Variants in FLACC1 observed in about 807,000 individuals in gnomAD.
The protein encoded by FLACC1 is flagellum associated containing coiled-coil domains 1.
A neutral mutation model predicts 62.8 loss-of-function variants in FLACC1; 66 were observed. That is an observed-to-expected ratio of 1.05 (90% CI 0.86 to 1.29). The LOEUF (loss-of-function observed/expected upper bound fraction) is 1.29. Among genes scored for constraint, FLACC1 ranks in the 50% most tolerant of loss-of-function variants. The pLI is 0.00. For synonymous variants in FLACC1, 156 were observed against 161.0 expected, an observed-to-expected ratio of 0.97 and a Z score of 0.24; for missense variants, 452 against 489.1, an observed-to-expected ratio of 0.92 and a Z score of 0.71.
intron 1 of FLACC1, among the ~76,000 whole-genome samples, chr2:201,353,056 A>T (rs991198949): frequency 2.6e-5 from 4 of 152,228 alleles, no homozygotes. Context: ...GAATTGTAAG[A>T]TTGTTGCTTG....
intron 9 of FLACC1, among the ~76,000 whole-genome samples, chr2:201,324,325 T>C (rs1041185186): frequency 6.6e-6 from 1 of 152,226 alleles, no homozygotes. Context: ...TAAATTTACA[T>C]GCATCTAACA....
At chr2:201,315,381 C>T (rs1950290411) in intron 9 of FLACC1, among the ~76,000 whole-genome samples, 1 of 152,054 alleles carries the variant, frequency 6.6e-6, no homozygotes, top group East Asian at 1.9e-4. Flanking sequence ...CAAATGGACA[C>T]CAAAAGCTAG....
intron 7 of FLACC1, among the ~76,000 whole-genome samples, chr2:201,341,467 A>G (rs1407518519): frequency 1.3e-5 from 2 of 149,736 alleles, no homozygotes; most frequent in Non-Finnish European, 3.0e-5. Flanking sequence ...TATATTACAC[A>G]TAATTTTTAC....
intron 7 of FLACC1, among the ~76,000 whole-genome samples, chr2:201,336,937 T>G (rs1950707886): frequency 6.6e-6 from 1 of 152,190 alleles, no homozygotes; most frequent in East Asian, 1.9e-4. Context: ...TCGTATGTCT[T>G]CTTTTAAGAA....
rs144590707 is a variant in FLACC1, at chr2:201,342,410, G to A, written c.484C>T (p.Arg162Cys). 33 of 1,614,060 alleles carry A rather than the reference G, an allele frequency of 2.0e-5. No individual in the cohort carries two copies. Among genetic ancestry groups the A allele is most frequent in the Middle Eastern group, 1.6e-4 (1 of 6,084 alleles). The change falls in exon 7 of 15, where the codon CGC becomes TGC. Residue 162 changes from arginine to cysteine, a missense_variant. Arg to Cys is a radical substitution (Grantham distance 180). Around this residue, in one of 3 missense-constraint regions of FLACC1, gnomAD observed 301 missense variants for 318.4 expected, o/e 0.95. Coordinates refer to ENST00000392257, the MANE Select transcript of FLACC1 (RefSeq NM_001127391.3). ...AAGTTCTGTTTCATCTCAGCACAGC[G>A]GAGATCCATTTCACTGGAGAGCTGG... ...QKLLSSEMDL[R>C]CAEMKQNFEN...
At chr2:201,350,587 A>C in intron 3 of FLACC1, 124 bp downstream of exon 3, 7 of 764,324 alleles carry the variant, frequency 9.2e-6, no homozygotes, top group Non-Finnish European at 1.5e-5. Context: ...AGGCTGAGGC[A>C]GGAGAATCGC....
chr2:201,300,026 TC>T (rs1949944237), intron 11 of FLACC1, among the ~76,000 whole-genome samples: 1 of 152,196 alleles, frequency 6.6e-6, no homozygotes, highest in African/African-American at 2.4e-5. Context: ...TTTCTGCATT[TC>T]CAACTGAGGT....
At chr2:201,301,274 T>A (rs549052999) in intron 11 of FLACC1, among the ~76,000 whole-genome samples, 4 of 152,268 alleles carry the variant, frequency 2.6e-5, no homozygotes, top group African/African-American at 9.6e-5. Context: ...ACAAGAACTA[T>A]GTGATGCACG....
At chr2:201,339,386 A>AT (rs1950760746) in intron 7 of FLACC1, among the ~76,000 whole-genome samples, 1 of 149,994 alleles carries the variant, frequency 6.7e-6, no homozygotes, top group African/African-American at 2.5e-5. Context: ...GACCCTTTGT[A>AT]TTGTTTTTTT....
intron 11 of FLACC1, among the ~76,000 whole-genome samples, chr2:201,304,366 A>G (rs1211747755): frequency 6.6e-6 from 1 of 152,150 alleles, no homozygotes; most frequent in African/African-American, 2.4e-5. Context: ...TAGGAATCCA[A>G]CTTACAAGGG....
At position 201,299,237 on chromosome 2, in the gene FLACC1, C is replaced by T. The variant is rs1470016850; in HGVS notation, c.942+1G>A. ...CCACAGGAAAGGATGAAAAAGCTTACCTCTTTGGTTTTTCTCAGCTCTTCT... is the reference window on the plus strand; with the variant it reads ...CCACAGGAAAGGATGAAAAAGCTTATCTCTTTGGTTTTTCTCAGCTCTTCT... On this transcript the variant is annotated splice_donor_variant, in intron 12 of 14. Coordinates refer to ENST00000392257, the MANE Select transcript of FLACC1 (RefSeq NM_001127391.3). LOFTEE classifies it high-confidence loss of function. The T allele has an allele frequency of 7.4e-6, 12 of 1,613,270 alleles. No homozygotes were observed. The highest frequency in any genetic ancestry group is 1.6e-4 in the Middle Eastern group (1 of 6,076).
chr2:201,346,470 C>T lies in FLACC1; in HGVS notation c.368+72G>A. ...CTGGGTGTGGGCATAGCGGCTTTGG[C>T]TTGTCCCTGAGGCCGGGCTGAGCTG... On this transcript the variant is annotated intron_variant, in intron 5 of 14. Coordinates refer to ENST00000392257, the MANE Select transcript of FLACC1 (RefSeq NM_001127391.3). This position sits in a 1 kb window ranked among gnomAD's most constrained non-coding sequence, Gnocchi z 4.0. 1 of 1,591,434 alleles carries T rather than the reference C, an allele frequency of 6.3e-7. No homozygotes were observed. The highest frequency in any genetic ancestry group is 1.1e-5 in the South Asian group (1 of 88,568).
At position 201,288,567 on chromosome 2, in the gene FLACC1, A is replaced by AT; in HGVS notation, c.*87dup. On this transcript the variant is annotated 3_prime_UTR_variant, in exon 15 of 15. Coordinates refer to ENST00000392257, the MANE Select transcript of FLACC1 (RefSeq NM_001127391.3). ...CCCAAGAACTAAACTCATTATATGCATTTTCTCAAGAAAACCCTCCCAGGA... is the reference window on the plus strand; with the variant it reads ...CCCAAGAACTAAACTCATTATATGCATTTTTCTCAAGAAAACCCTCCCAGGA... 1.9e-5 allele frequency: 29 copies of AT among 1,503,658 alleles called. No homozygotes were observed. The highest frequency in any genetic ancestry group is 2.3e-5 in the Non-Finnish European group (26 of 1,111,436). 93.1% of individuals were successfully genotyped at this position (1,503,658 alleles called of 1,614,324 possible).
At chr2:201,302,219 TA>T (rs1399429764) in intron 11 of FLACC1, among the ~76,000 whole-genome samples, 2 of 151,694 alleles carry the variant, frequency 1.3e-5, no homozygotes, top group Non-Finnish European at 2.9e-5. Context: ...AGGCTCAAAA[TA>T]AAAGGATGGA....
chr2:201,330,609 C>T, intron 8 of FLACC1, 87 bp from the exon 9 acceptor site: 2 of 1,529,130 alleles, frequency 1.3e-6, no homozygotes, highest in Non-Finnish European at 1.8e-6. Flanking sequence ...TGCACACCTT[C>T]CCCACCCCAA....
chr2:201,318,736 CAT>C (rs901692334), intron 9 of FLACC1, among the ~76,000 whole-genome samples: 3 of 151,954 alleles, frequency 2.0e-5, no homozygotes, highest in Non-Finnish European at 4.4e-5. Flanking sequence ...TCAGAAATTC[CAT>C]ATATATATGA....
At chr2:201,358,003 A>G (rs534388987), upstream of FLACC1, among the ~76,000 whole-genome samples, 26 of 152,288 alleles carry the variant, frequency 1.7e-4, no homozygotes, top group Non-Finnish European at 3.5e-4. Context: ...TTTAAATTAA[A>G]GCTGATTATA....
intron 14 of FLACC1, among the ~76,000 whole-genome samples, chr2:201,289,216 G>A (rs530305404): frequency 6.6e-6 from 1 of 152,158 alleles, no homozygotes; most frequent in Non-Finnish European, 1.5e-5. Context: ...GTCCTGTGTT[G>A]TTTTGCATAG....
chr2:201,317,047 C>A (rs548491730), intron 9 of FLACC1, among the ~76,000 whole-genome samples: 1 of 152,184 alleles, frequency 6.6e-6, no homozygotes, highest in African/African-American at 2.4e-5. Flanking sequence ...AGGGCCATAC[C>A]TCAATGTAAT....
Sources: gnomAD v4.1 joint callset for allele counts (sites outside exome capture counted in the v4.1 genomes callset) on GRCh38, gnomAD v4.1.1 for gene constraint, gnomAD v4.1.1 regional missense constraint, Gnocchi (gnomAD v3.1) non-coding constraint, MANE v1.5 for transcripts, NCBI Gene and HGNC (gene_info 2026-07-23, HGNC 2026-07-21) for gene names.